The following LCORL variants were observed in gnomAD, a reference collection of about 807,000 sequenced individuals.
LCORL encodes ligand-dependent nuclear receptor corepressor-like protein.
A neutral mutation model predicts 141.8 loss-of-function variants in LCORL; 41 were observed. The observed-to-expected ratio is 0.29, with a 90% confidence interval of 0.23 to 0.38. The LOEUF (loss-of-function observed/expected upper bound fraction) is 0.38. Among genes scored for constraint, LCORL ranks in the 10% least tolerant of loss-of-function variants. The pLI is 1.00. For missense variants in LCORL, 1,759 were observed against 2,035.0 expected (o/e 0.86, Z 2.61); for synonymous variants, 618 against 694.1 (o/e 0.89, Z 1.72).
At chr4:18,002,285 G>A (rs1384820582) in intron 1 of LCORL, among the ~76,000 whole-genome samples, 1 of 152,028 alleles carries the variant, frequency 6.6e-6, no homozygotes, top group Non-Finnish European at 1.5e-5. Context: ...CTTCATGAAT[G>A]TAAACTGTCA....
intron 1 of LCORL, among the ~76,000 whole-genome samples, chr4:17,990,244 G>A (rs964637820): frequency 2.6e-5 from 4 of 151,790 alleles, no homozygotes; most frequent in East Asian, 1.9e-4. Flanking sequence ...GACTACAGGC[G>A]CCCACCACCA....
chr4:17,900,629 G>C (rs751306459), intron 5 of LCORL, among the ~76,000 whole-genome samples: 6 of 152,146 alleles, frequency 3.9e-5, no homozygotes, highest in Non-Finnish European at 7.4e-5. Context: ...GAAATGAAAA[G>C]TATAATGACA....
At chr4:17,863,850 T>C (rs530015687) in intron 7 of LCORL, among the ~76,000 whole-genome samples, 2 of 152,300 alleles carry the variant, frequency 1.3e-5, no homozygotes, top group East Asian at 1.9e-4. Context: ...TGCAGCAACA[T>C]GGATGGAGCT....
intron 4 of LCORL, among the ~76,000 whole-genome samples, chr4:17,955,669 CTT>C (rs1265592589): frequency 6.6e-6 from 1 of 152,048 alleles, no homozygotes; most frequent in Non-Finnish European, 1.5e-5. Context: ...ATAAAGGAGA[CTT>C]AGAAAAACAG....
At chr4:17,962,409 A>G (rs1560410399) in intron 3 of LCORL, among the ~76,000 whole-genome samples, 2 of 152,064 alleles carry the variant, frequency 1.3e-5, no homozygotes, top group Non-Finnish European at 2.9e-5. Flanking sequence ...CAAGTTTTCA[A>G]TTCTTCTCAG....
chr4:17,912,053 AG>A, intron 4 of LCORL: 1 of 686,500 alleles, frequency 1.5e-6, no homozygotes, highest in Admixed American at 1.8e-5. Flanking sequence ...CTGGAGAAGA[AG>A]GGACCCCAGG....
intron 7 of LCORL, among the ~76,000 whole-genome samples, chr4:17,858,963 T>C (rs966484885): frequency 2.0e-5 from 3 of 152,072 alleles, no homozygotes; most frequent in African/African-American, 7.2e-5. Flanking sequence ...GCCATACCCA[T>C]CTTCTGAAAC....
intron 7 of LCORL, among the ~76,000 whole-genome samples, chr4:17,867,736 T>C (rs771110921): frequency 7.8e-4 from 118 of 152,174 alleles, no homozygotes; most frequent in Middle Eastern, 3.2e-3. Flanking sequence ...AATGATTTTC[T>C]GAGAAAGATA....
At chr4:17,894,276 T>C (rs770174704) in intron 5 of LCORL, among the ~76,000 whole-genome samples, 1 of 152,202 alleles carries the variant, frequency 6.6e-6, no homozygotes, top group Non-Finnish European at 1.5e-5. Flanking sequence ...TCTGCACTAT[T>C]TTCCTGTGGT....
rs138981599 is a variant in LCORL at position 18,006,852 on chromosome 4, TTATTA to T, written c.154+14741_154+14745del. Among the ~76,000 whole-genome samples, 819 of 152,288 alleles carry T rather than the reference TTATTA, an allele frequency of 5.4e-3. 8 individuals are homozygous for T. The highest frequency in any genetic ancestry group is 0.019 in the African/African-American group (783 of 41,554). ...ACACAGCCAAACCATATCACATATA[TTATTA>T]TATTATATGAAAATACAATGCTCTA... On this transcript the variant is annotated intron_variant, in intron 1 of 7. Transcript: ENST00000635767.
In LCORL at chr4:17,974,274, T is replaced by TC. The variant is rs760392027; in HGVS notation, c.155-1390dup. On this transcript the variant is annotated intron_variant, in intron 1 of 7. Coordinates refer to ENST00000635767, the Ensembl canonical transcript of LCORL. Reference sequence around the variant, plus strand: ...ATTATAGTCTTCATGCTACTATCTCTCTTCCGCATTTTATGTCTCTTTAGC... The same window carrying TC: ...ATTATAGTCTTCATGCTACTATCTCTCCTTCCGCATTTTATGTCTCTTTAGC... Among the ~76,000 whole-genome samples, 54 of 152,256 alleles carry TC rather than the reference T, an allele frequency of 3.5e-4. No homozygotes were observed. The Middle Eastern group carries it at 0.017, about 48-fold the overall frequency.
intron 1 of LCORL, among the ~76,000 whole-genome samples, chr4:17,980,703 G>A (rs1260922552): frequency 6.6e-6 from 1 of 152,168 alleles, no homozygotes; most frequent in Non-Finnish European, 1.5e-5. Context: ...CCAATCCCCA[G>A]GGCCATGGAC....
At chr4:17,933,822 T>C (rs181035220) in intron 4 of LCORL, among the ~76,000 whole-genome samples, 80 of 152,236 alleles carry the variant, frequency 5.3e-4, no homozygotes, top group Middle Eastern at 6.8e-3. Flanking sequence ...TGGTATGGTA[T>C]AGTTTATTTA....
At chr4:18,013,158 T>G (rs553961547) in intron 1 of LCORL, among the ~76,000 whole-genome samples, 17 of 148,004 alleles carry the variant, frequency 1.1e-4, no homozygotes, top group Non-Finnish European at 2.1e-4. Flanking sequence ...TTGTAATATT[T>G]TTCTCTCTCC....
intron 5 of LCORL, 63 bp downstream of exon 5, chr4:17,909,031 T>C: frequency 7.2e-7 from 1 of 1,387,132 alleles, no homozygotes; most frequent in Non-Finnish European, 9.7e-7. Flanking sequence ...TAAAAAGTTA[T>C]AAATATACAT....
rs1414072566 is a variant in LCORL at position 17,940,154 on chromosome 4, G to GTA, written c.430+21747_430+21748dup. 2.1e-4 allele frequency among the ~76,000 whole-genome samples: 27 copies of GTA among 127,190 alleles called. No individual in the cohort carries two copies. The East Asian group carries it at 5.0e-3, about 23-fold the overall frequency. 83.4% of individuals were successfully genotyped at this position (127,190 alleles called of 152,430 possible). A position where few individuals can be genotyped will look rare whatever the true frequency, so the allele number is the denominator to read the frequency against. ...TATATGTGTATATATATGTATATATGTATATATATGTATACATGTATATAT... is the reference window on the plus strand; with the variant it reads ...TATATGTGTATATATATGTATATATGTATATATATATGTATACATGTATATAT... On this transcript the variant is annotated intron_variant, in intron 4 of 7. Coordinates refer to ENST00000635767, the Ensembl canonical transcript of LCORL.
At chr4:17,912,345 T>C (rs953926705) in intron 4 of LCORL, 1 of 669,950 alleles carries the variant, frequency 1.5e-6, no homozygotes, top group Middle Eastern at 3.9e-4. Flanking sequence ...TGAAGAACCA[T>C]GAAGAGGAAG....
chr4:17,996,695 A>C (rs1720970243), intron 1 of LCORL, among the ~76,000 whole-genome samples: 1 of 152,100 alleles, frequency 6.6e-6, no homozygotes, highest in African/African-American at 2.4e-5. Context: ...AATTGAAAAA[A>C]AAAGTTTTAT....
At chr4:17,877,282 T>C (rs777619329) in exon 7 of LCORL, 39 of 1,230,168 alleles carry the variant, frequency 3.2e-5, no homozygotes, top group Non-Finnish European at 3.9e-5. Context: ...AGAGATGTTA[T>C]GAAATCTCCC....
Sources: allele counts gnomAD v4.1 joint callset (sites outside exome capture counted in the v4.1 genomes callset), GRCh38; gene constraint gnomAD v4.1.1; transcripts MANE v1.5; gene names NCBI Gene and HGNC (gene_info 2026-07-23, HGNC 2026-07-21).